The following ABCA10 variants were observed in gnomAD, a reference collection of about 807,000 sequenced individuals.
ABCA10 encodes ATP binding cassette subfamily A member 10.
A neutral mutation model predicts 187.5 loss-of-function variants in ABCA10; 169 were observed. That is an observed-to-expected ratio of 0.90 (90% CI 0.80 to 1.02). The LOEUF is 1.02. Among genes scored for constraint, ABCA10 ranks in the 50% least tolerant of loss-of-function variants. The pLI is 0.00. For missense variants in ABCA10, 1,727 were observed against 1,812.4 expected (o/e 0.95, Z 0.86); for synonymous variants, 574 against 601.8 (o/e 0.95, Z 0.68).
At chr17:69,187,651 C>A (rs1598103983) in intron 19 of ABCA10, 30 bp downstream of exon 19, 2 of 1,592,538 alleles carry the variant, frequency 1.3e-6, no homozygotes, top group Non-Finnish European at 1.7e-6. Context: ...ATATACTGAC[C>A]AAATAGATAT....
chr17:69,195,680 C>T (rs116757386), intron 11 of ABCA10, among the ~76,000 whole-genome samples: 25,108 of 150,666 alleles, frequency 0.17, 3,821 homozygotes, highest in African/African-American at 0.4. Flanking sequence ...CAAGGGTCTC[C>T]GGCTTTCCTA....
intron 25 of ABCA10, 119 bp from the exon 26 acceptor site, chr17:69,165,202 A>G (rs1469641842): frequency 2.4e-6 from 2 of 829,108 alleles, no homozygotes; most frequent in Admixed American, 5.4e-5. Context: ...TACCTCACAG[A>G]TAGAAATATT....
intron 27 of ABCA10, among the ~76,000 whole-genome samples, chr17:69,161,513 G>A (rs2074218213): frequency 6.6e-6 from 1 of 152,184 alleles, no homozygotes; most frequent in South Asian, 2.1e-4. Context: ...TAGCCATGAA[G>A]TATAATGTGG....
rs112767706 is a variant in ABCA10 at position 69,193,339 on chromosome 17, A to G, written c.1642-91T>C. 3.4e-3 allele frequency: 5,256 copies of G among 1,545,402 alleles called. 128 individuals carry two copies. In the African/African-American group the frequency reaches 0.062, roughly 18 times the overall value. On this transcript the variant is annotated intron_variant, in intron 14 of 38. Transcript: ENST00000690296. ...GAAAACAAGTATGATTTCTAGACTC[A>G]AATACAGTCCTCCACCAGATCCCTA... is the stretch of plus-strand genomic sequence containing the variant.
At position 69,210,170 on chromosome 17, in the gene ABCA10, C is replaced by CTTTTTTTTT. The variant is rs1160992125; in HGVS notation, c.1006+4525_1006+4533dup. Among the ~76,000 whole-genome samples, 32 of 70,876 alleles carry CTTTTTTTTT rather than the reference C, an allele frequency of 4.5e-4. 3 individuals are homozygous for CTTTTTTTTT. The highest frequency in any genetic ancestry group is 1.5e-3 in the African/African-American group (22 of 14,960). 46.5% of individuals were successfully genotyped at this position (70,876 alleles called of 152,430 possible). A position where few individuals can be genotyped will look rare whatever the true frequency, so the allele number is the denominator to read the frequency against. Reference sequence around the variant, plus strand: ...TGGGTAAATTATTTAGTGGTTATTTCTTTTTTTTTTTTTTTTTTTTTTTTT... The same window carrying CTTTTTTTTT: ...TGGGTAAATTATTTAGTGGTTATTTCTTTTTTTTTTTTTTTTTTTTTTTTTTTTTTTTTT... On this transcript the variant is annotated intron_variant, in intron 9 of 38. Coordinates refer to ENST00000690296, the MANE Select transcript of ABCA10 (RefSeq NM_001377321.1).
intron 2 of ABCA10, among the ~76,000 whole-genome samples, chr17:69,226,723 G>A (rs1324169202): frequency 4.6e-5 from 7 of 151,726 alleles, no homozygotes; most frequent in Non-Finnish European, 1.0e-4. Context: ...GACATTAATC[G>A]AAATGTCCCC....
intron 25 of ABCA10, among the ~76,000 whole-genome samples, chr17:69,172,641 T>C (rs529548944): frequency 6.6e-6 from 1 of 151,900 alleles, no homozygotes; most frequent in Non-Finnish European, 1.5e-5. Flanking sequence ...AAATATAGAT[T>C]ATGACTTTCA....
At chr17:69,207,338 C>CA (rs919308506) in intron 9 of ABCA10, among the ~76,000 whole-genome samples, 2 of 151,986 alleles carry the variant, frequency 1.3e-5, no homozygotes, top group Admixed American at 1.3e-4. Flanking sequence ...TGAAGGTTCC[C>CA]AAAAAGGTAA....
chr17:69,174,269 A>G lies in ABCA10; in HGVS notation c.3162+12T>C, dbSNP rs751109266. The G allele has an allele frequency of 6.5e-7, 1 of 1,542,420 alleles. No homozygotes were observed. Among genetic ancestry groups the G allele is most frequent in the Non-Finnish European group, 8.8e-7 (1 of 1,130,284 alleles). On this transcript the variant is annotated intron_variant, in intron 25 of 38. Transcript: ENST00000690296. ...ATTTAATATAAATGTGCACGCATGT[A>G]TATATACTTACAATAAAAAAGCCAA...
At chr17:69,229,363 G>A (rs545366844), upstream of ABCA10, among the ~76,000 whole-genome samples, 87 of 152,108 alleles carry the variant, frequency 5.7e-4, no homozygotes, top group African/African-American at 2.0e-3. Flanking sequence ...TATGAAAATG[G>A]TGCTAATCAA....
At chr17:69,188,043 G>A (rs1213654600) in intron 18 of ABCA10, among the ~76,000 whole-genome samples, 164 bp from the exon 19 acceptor site, 1 of 152,172 alleles carries the variant, frequency 6.6e-6, no homozygotes, top group Non-Finnish European at 1.5e-5. Context: ...TCAAACATAT[G>A]TAATGGATTC....
intron 25 of ABCA10, among the ~76,000 whole-genome samples, chr17:69,167,394 T>C (rs1472183485): frequency 6.6e-6 from 1 of 152,210 alleles, no homozygotes; most frequent in African/African-American, 2.4e-5. Context: ...GCCATTGTTA[T>C]AGAAAGAGCT....
intron 5 of ABCA10, among the ~76,000 whole-genome samples, chr17:69,221,477 AGAG>A (rs745603159): frequency 6.6e-5 from 10 of 152,226 alleles, no homozygotes; most frequent in Non-Finnish European, 1.3e-4. Context: ...GAGATTGAAA[AGAG>A]GAGACAAAAA....
chr17:69,155,925 T>G lies in ABCA10; in HGVS notation c.3456A>C (p.Arg1152Ser). The change falls in exon 29 of 39, where the codon AGA (arginine) becomes AGC (serine). Residue 1152 changes from arginine (R) to serine (S), a missense_variant and splice_region_variant. Physicochemically the swap from Arg to Ser is moderately radical, Grantham distance 110 (BLOSUM62 -1). Transcript: ENST00000690296. The part of the protein sequence containing the change: ...NEIMNKDPVF[R>S]ISPRSRETHP... ...GAGTTTCTCTACTCCGTGGAGAGAT[T>G]CTACAGAGGAAATAAAATAACATAA... is the stretch of plus-strand genomic sequence containing the variant. The G allele has an allele frequency of 6.2e-7, 1 of 1,610,536 alleles. No homozygotes were observed. Among genetic ancestry groups the G allele is most frequent in the Non-Finnish European group, 8.5e-7 (1 of 1,178,610 alleles).
intron 25 of ABCA10, among the ~76,000 whole-genome samples, chr17:69,166,201 T>G (rs1401557689): frequency 4.6e-5 from 7 of 152,118 alleles, no homozygotes; most frequent in Admixed American, 4.6e-4. Flanking sequence ...CAGTAAAAAG[T>G]GGCTTCTCAT....
At chr17:69,183,204 G>A (rs1400729474) in intron 20 of ABCA10, among the ~76,000 whole-genome samples, 2 of 152,256 alleles carry the variant, frequency 1.3e-5, no homozygotes, top group African/African-American at 2.4e-5. Context: ...ACCCAGGCTT[G>A]TTCTAGTGAT....
chr17:69,180,804 C>A (rs1225763344), intron 22 of ABCA10, among the ~76,000 whole-genome samples: 1 of 152,104 alleles, frequency 6.6e-6, no homozygotes, highest in African/African-American at 2.4e-5. Context: ...GTATTAATTT[C>A]TTATTATGCA....
chr17:69,197,763 T>C (rs563603494), intron 10 of ABCA10, among the ~76,000 whole-genome samples: 6 of 152,224 alleles, frequency 3.9e-5, no homozygotes, highest in African/African-American at 1.4e-4. Context: ...CTCTTACTAT[T>C]CCGTTTTGGC....
chr17:69,222,389 C>T, intron 4 of ABCA10, 144 bp downstream of exon 4: 1 of 678,952 alleles, frequency 1.5e-6, no homozygotes. Context: ...GAGACTCATC[C>T]TAAGTTAAAG....
Sources: allele counts gnomAD v4.1 joint callset (sites outside exome capture counted in the v4.1 genomes callset), GRCh38; gene constraint gnomAD v4.1.1; transcripts MANE v1.5; gene names NCBI Gene and HGNC (gene_info 2026-07-23, HGNC 2026-07-21).